The following BTBD16 variants were observed in gnomAD, a reference collection of about 807,000 sequenced individuals.
BTBD16 encodes the protein BTB domain containing 16.
A neutral mutation model predicts 67.4 loss-of-function variants in BTBD16; 66 were observed. The observed-to-expected ratio is 0.98, with a 90% CI of 0.80 to 1.20. BTBD16 has a LOEUF of 1.20. BTBD16 is among the 50% of genes most tolerant of loss of function. The pLI is 0.00. For synonymous variants in BTBD16, 242 were observed against 236.4 expected (o/e 1.02, Z -0.22); for missense variants, 634 against 616.0 (o/e 1.03, Z -0.31).
At position 122,275,044 on chromosome 10, in the gene BTBD16, C is replaced by T; in HGVS notation, c.-38C>T. ...TTTACCTCTTTTGTCTTCTAGGTTGCTTGTCTTTTCTCTCCTGCGTAATTT... is the reference window on the plus strand; with the variant it reads ...TTTACCTCTTTTGTCTTCTAGGTTGTTTGTCTTTTCTCTCCTGCGTAATTT... On this transcript the variant is annotated 5_prime_UTR_variant, in exon 2 of 16. Transcript: ENST00000260723. The T allele has an allele frequency of 3.1e-6, 5 of 1,612,236 alleles. No homozygotes were observed. Among genetic ancestry groups the T allele is most frequent in the Non-Finnish European group, 4.2e-6 (5 of 1,178,540 alleles).
At chr10:122,287,041 C>G (rs1001918425) in intron 5 of BTBD16, among the ~76,000 whole-genome samples, 1 of 152,138 alleles carries the variant, frequency 6.6e-6, no homozygotes, top group East Asian at 1.9e-4. Flanking sequence ...GACAGGCAGC[C>G]GGAGCCCCCA....
In BTBD16 at chr10:122,331,207, C is replaced by G; in HGVS notation, c.1035C>G (p.Asn345Lys). The G allele has an allele frequency of 1.2e-6, 2 of 1,613,562 alleles. No individual in the cohort carries two copies. The highest frequency in any genetic ancestry group is 1.7e-6 in the Non-Finnish European group (2 of 1,179,786). The change falls in exon 12 of 16, where the codon AAC becomes AAG. Residue 345 changes from asparagine to lysine, a missense_variant. Coordinates refer to ENST00000260723, the MANE Select transcript of BTBD16 (RefSeq NM_144587.5). ...ATCTGGAGGTGCTGCGGCACCTTAA[C>G]TTCTTCCCAGAGTCATGGCTCGACC... ...GKDLEVLRHL[N>K]FFPESWLDQV...
intron 5 of BTBD16, 24 bp downstream of exon 5, chr10:122,286,272 G>C (rs2096363640): frequency 6.3e-7 from 1 of 1,588,482 alleles, no homozygotes; most frequent in Non-Finnish European, 8.6e-7. Flanking sequence ...GGCACCCAGT[G>C]CTGGAGCCCC....
chr10:122,323,636 G>A (rs907062391), intron 10 of BTBD16, among the ~76,000 whole-genome samples: 2 of 152,178 alleles, frequency 1.3e-5, no homozygotes, highest in African/African-American at 4.8e-5. Flanking sequence ...TAATTGAAAT[G>A]AGTGGCAGTT....
chr10:122,333,133 A>C, intron 13 of BTBD16: 17 of 207,926 alleles, frequency 8.2e-5, no homozygotes, highest in Non-Finnish European at 1.3e-4. Flanking sequence ...CAGTGATCTC[A>C]AAAGAATTCA....
intron 10 of BTBD16, among the ~76,000 whole-genome samples, chr10:122,319,275 G>A (rs1056204646): frequency 2.8e-4 from 42 of 152,020 alleles, no homozygotes; most frequent in African/African-American, 9.7e-4. Context: ...TTCATTCCTT[G>A]TGTGTCCTAC....
At chr10:122,297,964 A>G (rs1731856538) in intron 8 of BTBD16, 127 bp downstream of exon 8, 3 of 777,830 alleles carry the variant, frequency 3.9e-6, no homozygotes, top group African/African-American at 1.8e-5. Flanking sequence ...CAAATATTTT[A>G]TTTTGCCACA....
At chr10:122,304,704 C>T (rs1472932384) in intron 9 of BTBD16, among the ~76,000 whole-genome samples, 1 of 151,902 alleles carries the variant, frequency 6.6e-6, no homozygotes, top group Non-Finnish European at 1.5e-5. Context: ...CAGGCGCCTG[C>T]CACCATGCCC....
chr10:122,335,009 T>C, intron 14 of BTBD16, 30 bp downstream of exon 14: 3 of 1,048,420 alleles, frequency 2.9e-6, no homozygotes, highest in Non-Finnish European at 4.3e-6. Flanking sequence ...AAGTTATGTC[T>C]CTGAGACAGT....
chr10:122,321,030 C>A (rs992803090), intron 10 of BTBD16, among the ~76,000 whole-genome samples: 13 of 152,110 alleles, frequency 8.5e-5, no homozygotes, highest in African/African-American at 3.1e-4. Flanking sequence ...GTAGTCCCTA[C>A]TTTCTATTAT....
Position 122,286,102 on chromosome 10 carries a change from C to A in BTBD16, c.242-3C>A. The A allele has an allele frequency of 6.2e-7, 1 of 1,612,592 alleles. No individual in the cohort carries two copies. Among genetic ancestry groups the A allele is most frequent in the Non-Finnish European group, 8.5e-7 (1 of 1,178,996 alleles). On this transcript the variant is annotated splice_region_variant and splice_polypyrimidine_tract_variant and intron_variant, in intron 4 of 15. Coordinates refer to ENST00000260723, the MANE Select transcript of BTBD16 (RefSeq NM_144587.5). ...TTTGCTCAGCATCATTTTCTGTCCT[C>A]AGATGTGATTCTCGAGTGCCTGGGC...
intron 10 of BTBD16, among the ~76,000 whole-genome samples, chr10:122,320,061 A>G (rs775649531): frequency 5.3e-5 from 8 of 152,114 alleles, no homozygotes; most frequent in African/African-American, 1.9e-4. Context: ...GTATTATACA[A>G]CCTTAGTAGA....
intron 7 of BTBD16, among the ~76,000 whole-genome samples, chr10:122,296,682 C>T (rs537993219): frequency 7.2e-5 from 11 of 152,328 alleles, no homozygotes; most frequent in East Asian, 3.9e-4. Context: ...CCATTCACCT[C>T]GGCTCATGCC....
Position 122,302,974 on chromosome 10 carries a change from C to T in BTBD16, c.791+3840C>T, listed in dbSNP as rs564516964. On this transcript the variant is annotated intron_variant, in intron 9 of 15. Transcript: ENST00000260723. The stretch of plus-strand genomic sequence containing the variant: ...CTCACTGACGTGCTCTGCATGAGGC[C>T]TTCTTTTTCCTTATTGATGGTCAAG... 7.2e-5 allele frequency among the ~76,000 whole-genome samples: 11 copies of T among 152,206 alleles called. No individual in the cohort carries two copies. In the South Asian group the frequency reaches 2.3e-3, roughly 32 times the overall value.
chr10:122,297,927 C>T, intron 8 of BTBD16, 90 bp downstream of exon 8: 2 of 1,105,326 alleles, frequency 1.8e-6, no homozygotes, highest in Non-Finnish European at 1.4e-6. Flanking sequence ...AGGCCTACTT[C>T]CCCCCAGAAT....
At position 122,329,524 on chromosome 10, in the gene BTBD16, G is replaced by T. The variant is rs1470158941; in HGVS notation, c.956G>T (p.Ser319Ile). The T allele has an allele frequency of 7.4e-6, 12 of 1,613,730 alleles. No individual in the cohort carries two copies. The highest frequency in any genetic ancestry group is 1.0e-5 in the Non-Finnish European group (12 of 1,179,998). The stretch of plus-strand genomic sequence containing the variant: ...TTTCTGGACCGGGACATAGGACGGA[G>T]CTTGAGGCCGCTCTTCCTCTGCTTG... ...CCFLDRDIGR[S>I]LRPLFLCLRL... Residue 319 changes from serine (S) to isoleucine (I), a missense_variant, in exon 11 of 16, where the codon AGC becomes ATC. Physicochemically the swap from Ser to Ile is moderately radical, Grantham distance 142. Coordinates refer to ENST00000260723, the MANE Select transcript of BTBD16 (RefSeq NM_144587.5).
At chr10:122,318,039 G>GT (rs527429961) in intron 10 of BTBD16, among the ~76,000 whole-genome samples, 7 of 151,540 alleles carry the variant, frequency 4.6e-5, no homozygotes, top group South Asian at 2.1e-4. Flanking sequence ...GCACAGTAGG[G>GT]TTTTTTTTTA....
chr10:122,281,184 A>G (rs1269706872), intron 3 of BTBD16, among the ~76,000 whole-genome samples: 1 of 152,244 alleles, frequency 6.6e-6, no homozygotes, highest in Non-Finnish European at 1.5e-5. Context: ...ACAAGGATCC[A>G]TAACAAGGGC....
At chr10:122,325,405 G>C (rs1454568672) in intron 10 of BTBD16, among the ~76,000 whole-genome samples, 2 of 152,120 alleles carry the variant, frequency 1.3e-5, no homozygotes, top group East Asian at 3.8e-4. Flanking sequence ...CCGAGTCTCA[G>C]CCCCACCTCT....
Sources: gnomAD v4.1 joint callset for allele counts (sites outside exome capture counted in the v4.1 genomes callset) on GRCh38, gnomAD v4.1.1 for gene constraint, MANE v1.5 for transcripts, NCBI Gene and HGNC (gene_info 2026-07-23, HGNC 2026-07-21) for gene names.